STAT2: variants seen among roughly 807,000 people sequenced by gnomAD.
STAT2 encodes interferon alpha induced transcriptional activator.
Under a neutral mutation model 122.3 loss-of-function variants are expected in STAT2, and 51 were observed. The ratio of observed to expected loss-of-function variants is 0.42; its 90% CI spans 0.33 to 0.53. The LOEUF (loss-of-function observed/expected upper bound fraction) is 0.53. Ranked by LOEUF, STAT2 falls within the 20% of genes least tolerant of loss-of-function variation. STAT2 has a pLI of 0.10. For synonymous variants in STAT2, 351 were observed against 394.9 expected, an observed-to-expected ratio of 0.89 and a Z score of 1.32; for missense variants, 736 against 1,010.3, an observed-to-expected ratio of 0.73 and a Z score of 3.68.
intron 22 of STAT2, among the ~76,000 whole-genome samples, chr12:56,344,512 C>G (rs1877055476): frequency 6.6e-6 from 1 of 152,198 alleles, no homozygotes; most frequent in Admixed American, 6.5e-5. Context: ...CTTCACAGGA[C>G]TATTTTGTAG....
In STAT2 at chr12:56,351,144, G is replaced by A; in HGVS notation, c.988C>T (p.Arg330Ter). Reference protein sequence around the residue: ...TQPCMPQTPHRPLILKTGSKF... With the variant: ...TQPCMPQTPH ...CTGCCAGTCTTGAGGATGAGGGGTC[G>A]ATGGGGAGTTTGGGGCATGCAGGGC... Residue 330 changes from arginine (R) to a stop codon, truncating the protein, a stop_gained, in exon 10 of 24, where the codon CGA becomes TGA. Coordinates refer to ENST00000314128, the MANE Select transcript of STAT2 (RefSeq NM_005419.4). LOFTEE classifies it high-confidence loss of function. The A allele has an allele frequency of 2.5e-6, 4 of 1,614,110 alleles. No homozygotes were observed. The highest frequency in any genetic ancestry group is 3.4e-6 in the Non-Finnish European group (4 of 1,180,014).
At chr12:56,355,924 T>A in intron 3 of STAT2, 121 bp from the exon 4 acceptor site, 2 of 1,266,180 alleles carry the variant, frequency 1.6e-6, no homozygotes, top group Admixed American at 2.1e-5. Flanking sequence ...TAGCCCTTTG[T>A]CTTTTCACCA....
At chr12:56,357,026 ATT>A (rs34402362) in intron 1 of STAT2, among the ~76,000 whole-genome samples, 1,202 of 66,346 alleles carry the variant, frequency 0.018, 9 homozygotes, top group Non-Finnish European at 0.02. Flanking sequence ...CCTAATCTGT[ATT>A]TTTTTTTTTT....
intron 22 of STAT2, among the ~76,000 whole-genome samples, chr12:56,344,915 G>A (rs1272056471): frequency 6.6e-6 from 1 of 152,182 alleles, no homozygotes; most frequent in Non-Finnish European, 1.5e-5. Flanking sequence ...GGCTGAGGCA[G>A]GAGAATTGCT....
At position 56,350,803 on chromosome 12, in the gene STAT2, G is replaced by A. The variant is rs372244068; in HGVS notation, c.1094+26C>T. The stretch of plus-strand genomic sequence containing the variant: ...CTCCACCCCAGCAGCCCGTGTCCTG[G>A]CCACCCTTCACCTGCTCCAATTTAC... On this transcript the variant is annotated intron_variant, in intron 11 of 23. Transcript: ENST00000314128. 7.4e-6 allele frequency: 12 copies of A among 1,613,160 alleles called. No homozygotes were observed. The highest frequency in any genetic ancestry group is 2.7e-5 in the African/African-American group (2 of 74,878).
At chr12:56,349,080 T>C (rs1386082161) in intron 16 of STAT2, 21 bp from the exon 17 acceptor site, 8 of 1,613,484 alleles carry the variant, frequency 5.0e-6, no homozygotes, top group Non-Finnish European at 5.1e-6. Flanking sequence ...GGGAGCAGTG[T>C]AGGCTGGCTC....
At chr12:56,359,311 C>T (rs1365616757) in intron 1 of STAT2, among the ~76,000 whole-genome samples, 2 of 152,004 alleles carry the variant, frequency 1.3e-5, no homozygotes, top group Admixed American at 6.6e-5. Context: ...CATGATGGCT[C>T]ATGCCTGTAA....
chr12:56,348,737 G>C lies in STAT2; in HGVS notation c.1629+15C>G, dbSNP rs1378819929. The C allele has an allele frequency of 1.2e-6, 2 of 1,614,164 alleles. No individual in the cohort carries two copies. On this transcript the variant is annotated intron_variant, in intron 18 of 23. Transcript: ENST00000314128. ...TGGGCTAGATCCAGCAGCTCCACAG[G>C]ATTCAGGGAGTTACCTTAGTGAAGT...
Position 56,343,161 on chromosome 12 carries a change from A to G in STAT2, c.*228T>C. On this transcript the variant is annotated 3_prime_UTR_variant, in exon 24 of 24. Transcript: ENST00000314128. ...CCCAGCACAGCAGGCAGCCTCCAGG[A>G]TCCTATTTAGACCTATGGCTCAGCA... The G allele has an allele frequency of 1.9e-6, 1 of 526,440 alleles. No individual in the cohort carries two copies. The highest frequency in any genetic ancestry group is 4.4e-5 in the South Asian group (1 of 22,932). 32.6% of individuals were successfully genotyped at this position (526,440 alleles called of 1,614,324 possible).
intron 19 of STAT2, among the ~76,000 whole-genome samples, chr12:56,347,177 C>A (rs1191611935): frequency 6.6e-6 from 1 of 151,986 alleles, no homozygotes; most frequent in East Asian, 1.9e-4. Context: ...TGAGATCACA[C>A]AGATGAACAG....
intron 1 of STAT2, 69 bp downstream of exon 1, chr12:56,359,989 C>G (rs1880136734): frequency 1.0e-6 from 1 of 962,968 alleles, no homozygotes; most frequent in South Asian, 4.8e-5. Context: ...GGGCCAGTCG[C>G]CCTTCCCTCG....
chr12:56,354,538 T>C lies in STAT2; in HGVS notation c.710A>G (p.Glu237Gly). 1 of 1,614,174 alleles carries C rather than the reference T, an allele frequency of 6.2e-7. No homozygotes were observed. The highest frequency in any genetic ancestry group is 8.5e-7 in the Non-Finnish European group (1 of 1,180,032). The stretch of plus-strand genomic sequence containing the variant: ...GGCTTTTTGCTGCTGGGCCTTCCAC[T>C]CCTCCAACTTTGGCAGCAGTAGCTC... Reference protein sequence around the residue: ...LIELLLPKLEEWKAQQQKACI... With the variant: ...LIELLLPKLEGWKAQQQKACI... The change falls in exon 8 of 24, where the codon GAG becomes GGG. Residue 237 changes from glutamate (E) to glycine (G), a missense_variant. Coordinates refer to ENST00000314128, the MANE Select transcript of STAT2 (RefSeq NM_005419.4).
intron 14 of STAT2, 22 bp downstream of exon 14, chr12:56,349,567 G>A (rs760158169): frequency 2.1e-5 from 34 of 1,613,980 alleles, no homozygotes; most frequent in African/African-American, 2.7e-5. Context: ...CCCCTGCCTC[G>A]AGTCCTCTGT....
At chr12:56,359,354 G>A (rs1158937532) in intron 1 of STAT2, among the ~76,000 whole-genome samples, 1 of 152,108 alleles carries the variant, frequency 6.6e-6, no homozygotes, top group Non-Finnish European at 1.5e-5. Flanking sequence ...CAAGACGAGA[G>A]GATGGCTTGA....
In STAT2 at chr12:56,341,876, AT is replaced by A. The variant is rs1876634685; in HGVS notation, c.*1512del. On this transcript the variant is annotated 3_prime_UTR_variant, in exon 24 of 24. Transcript: ENST00000314128. ...CTTTGTCCAGGTCCACAACCAACGAATAGAAACCTTCCTTTCAGGTAAACAA... is the reference window on the plus strand; with the variant it reads ...CTTTGTCCAGGTCCACAACCAACGAAAGAAACCTTCCTTTCAGGTAAACAA... 1 of 152,246 alleles carries A rather than the reference AT, an allele frequency of 6.6e-6. No individual in the cohort carries two copies. The highest frequency in any genetic ancestry group is 2.4e-5 in the African/African-American group (1 of 41,462). 9.4% of individuals were successfully genotyped at this position (152,246 alleles called of 1,614,324 possible). A position where few individuals can be genotyped will look rare whatever the true frequency, so the allele number is the denominator to read the frequency against.
In STAT2 at chr12:56,354,571, G is replaced by A. The variant is rs1879213886; in HGVS notation, c.677C>T (p.Thr226Ile). Residue 226 changes from threonine to isoleucine, a missense_variant, in exon 8 of 24, where the codon ACC becomes ATC. Transcript: ENST00000314128. ...ASKALLGRLT[T>I]LIELLLPKLE... ...CTTTGGCAGCAGTAGCTCGATTAGG[G>A]TAGTTAATCGGCCTAGCAGTGCTTT... 1.2e-6 allele frequency: 2 copies of A among 1,614,202 alleles called. No individual in the cohort carries two copies. The highest frequency in any genetic ancestry group is 8.5e-7 in the Non-Finnish European group (1 of 1,180,038).
chr12:56,345,773 A>G (rs111580405), intron 22 of STAT2, among the ~76,000 whole-genome samples: 6,791 of 150,934 alleles, frequency 0.045, 219 homozygotes, highest in Non-Finnish European at 0.068. Flanking sequence ...GGGCGACAGA[A>G]CAAAACCCTG....
chr12:56,356,416 T>C (rs983558660), intron 2 of STAT2, 25 bp downstream of exon 2: 3 of 1,610,808 alleles, frequency 1.9e-6, no homozygotes, highest in Admixed American at 3.4e-5. Context: ...CCTTTTTCAT[T>C]CCCCCAACTT....
intron 22 of STAT2, 129 bp from the exon 23 acceptor site, chr12:56,344,264 A>T (rs149274067): frequency 2.2e-5 from 29 of 1,339,612 alleles, no homozygotes; most frequent in Middle Eastern, 2.7e-4. Flanking sequence ...GTTTGGAATC[A>T]GGCCTCCTGG....
Sources: gnomAD v4.1 joint callset for allele counts (sites outside exome capture counted in the v4.1 genomes callset) on GRCh38, gnomAD v4.1.1 for gene constraint, MANE v1.5 for transcripts, NCBI Gene and HGNC (gene_info 2026-07-23, HGNC 2026-07-21) for gene names.